The following RNF220 variants were observed in gnomAD, a reference collection of about 807,000 sequenced individuals.
RNF220 encodes the protein E3 ubiquitin-protein ligase RNF220.
A neutral mutation model predicts 67.1 loss-of-function variants in RNF220; 7 were observed. The observed-to-expected ratio is 0.10, with a 90% CI of 0.06 to 0.20. RNF220 has a LOEUF of 0.20. RNF220 is among the 10% of genes least tolerant of loss of function. The pLI is 1.00. For synonymous variants in RNF220, 270 were observed against 283.2 expected, an observed-to-expected ratio of 0.95 and a Z score of 0.47; for missense variants, 565 against 740.3, an observed-to-expected ratio of 0.76 and a Z score of 2.75.
chr1:44,418,151 G>A (rs1648787524), intron 2 of RNF220, among the ~76,000 whole-genome samples: 1 of 152,240 alleles, frequency 6.6e-6, no homozygotes, highest in African/African-American at 2.4e-5. Flanking sequence ...ACGTCGGGGT[G>A]CATGGGAGCG....
chr1:44,647,955 T>C (rs1436300070), intron 12 of RNF220, among the ~76,000 whole-genome samples: 1 of 152,270 alleles, frequency 6.6e-6, no homozygotes, highest in African/African-American at 2.4e-5. Flanking sequence ...AGCTTCCTGC[T>C]GTCCACGAGA....
chr1:44,508,222 C>A (rs887379656), intron 2 of RNF220, among the ~76,000 whole-genome samples: 5 of 151,254 alleles, frequency 3.3e-5, no homozygotes, highest in African/African-American at 1.2e-4. Context: ...TCGGGCCAGG[C>A]GGGGGACCCC....
At chr1:44,639,179 C>T (rs879938307) in intron 8 of RNF220, among the ~76,000 whole-genome samples, 8 of 152,230 alleles carry the variant, frequency 5.3e-5, no homozygotes, top group Non-Finnish European at 1.2e-4. Flanking sequence ...CCTAACTATA[C>T]AGCCCTTAAG....
chr1:44,547,871 C>T (rs1022450208), intron 2 of RNF220, among the ~76,000 whole-genome samples: 1 of 152,164 alleles, frequency 6.6e-6, no homozygotes, highest in African/African-American at 2.4e-5. Context: ...GTCATGAGAT[C>T]TTGAAGTGGT....
rs775200108 is a variant in RNF220 at position 44,645,423 on chromosome 1, C to A, written c.1380C>A (p.Thr460=). 5 of 1,614,124 alleles carry A rather than the reference C, an allele frequency of 3.1e-6. No individual in the cohort carries two copies. The Admixed American group carries it at 6.7e-5, about 22-fold the overall frequency. Residue 460 remains threonine, a synonymous_variant, in exon 12 of 15, where the codon ACC becomes ACA. Transcript: ENST00000361799. The surrounding 1 kb of genome is among the most constrained non-coding windows in gnomAD (Gnocchi z 5.0). ...CTGTCCCAGCAGAGATGCCATCCAC[C>A]AGCAATGGTGAAAGCAGCAAGCAGG... ...SKWASDEMPS[T]SNGESSKQEA... is the part of the protein sequence containing the mutation.
intron 2 of RNF220, among the ~76,000 whole-genome samples, chr1:44,535,610 G>A (rs1279293855): frequency 1.3e-5 from 2 of 152,222 alleles, no homozygotes; most frequent in Non-Finnish European, 2.9e-5. Flanking sequence ...AAATGTGGCT[G>A]TTCATGTTAG....
chr1:44,407,972 C>G (rs1410090442), intron 1 of RNF220, among the ~76,000 whole-genome samples: 2 of 152,222 alleles, frequency 1.3e-5, no homozygotes, highest in Middle Eastern at 3.2e-3. Flanking sequence ...TCGGTTCTTC[C>G]TGGACTGGCG....
At chr1:44,481,624 C>T (rs1432712036) in intron 2 of RNF220, among the ~76,000 whole-genome samples, 2 of 152,150 alleles carry the variant, frequency 1.3e-5, no homozygotes, top group African/African-American at 4.8e-5. Context: ...TGGAACAAAC[C>T]TGCACGTTCT....
At chr1:44,629,588 A>G (rs1413978497) in intron 5 of RNF220, among the ~76,000 whole-genome samples, 2 of 152,216 alleles carry the variant, frequency 1.3e-5, no homozygotes, top group Non-Finnish European at 1.5e-5. Context: ...CTGTAATCTC[A>G]GCACTTTGGG....
In RNF220 at chr1:44,417,550, T is replaced by A. The variant is rs1018885155; in HGVS notation, c.625+4828T>A. On this transcript the variant is annotated intron_variant, in intron 2 of 14. Coordinates refer to ENST00000361799, the MANE Select transcript of RNF220 (RefSeq NM_018150.4). This position sits in a 1 kb window ranked among gnomAD's most constrained non-coding sequence, Gnocchi z 4.0. ...CCTCGCTCCACGCCGCGCCGCTCTG[T>A]GCGGCGGCTGCCTCCTCTTACGGCC... is the stretch of plus-strand genomic sequence containing the variant. 1.3e-5 allele frequency among the ~76,000 whole-genome samples: 2 copies of A among 152,040 alleles called. No homozygotes were observed. Among genetic ancestry groups the A allele is most frequent in the African/African-American group, 4.8e-5 (2 of 41,382 alleles).
At chr1:44,538,458 A>G (rs983197490) in intron 2 of RNF220, among the ~76,000 whole-genome samples, 2 of 152,212 alleles carry the variant, frequency 1.3e-5, no homozygotes, top group East Asian at 3.8e-4. Flanking sequence ...CTCATCTAGA[A>G]GTGAGCTGGC....
At chr1:44,636,345 T>C (rs1205391083) in intron 8 of RNF220, 183 bp downstream of exon 8, 1 of 789,558 alleles carries the variant, frequency 1.3e-6, no homozygotes, top group African/African-American at 1.7e-5. Flanking sequence ...CATATTAAAA[T>C]GGATGTATTT....
At chr1:44,423,729 TAG>T in intron 2 of RNF220, 1 of 481,822 alleles carries the variant, frequency 2.1e-6, no homozygotes, top group Non-Finnish European at 2.7e-6. Flanking sequence ...TCTCAGGGCC[TAG>T]AGTACTCGCT....
chr1:44,558,769 A>T (rs923850776), intron 2 of RNF220, among the ~76,000 whole-genome samples: 4 of 152,220 alleles, frequency 2.6e-5, no homozygotes, highest in Admixed American at 6.5e-5. Context: ...TGATCTCAAC[A>T]TATAGCAATC....
At chr1:44,449,586 T>C (rs1453928808) in intron 2 of RNF220, among the ~76,000 whole-genome samples, 1 of 152,142 alleles carries the variant, frequency 6.6e-6, no homozygotes, top group East Asian at 1.9e-4. Flanking sequence ...GCTAATTGTT[T>C]TATTTTTTGT....
chr1:44,599,863 G>C (rs577352043), intron 2 of RNF220, among the ~76,000 whole-genome samples: 1 of 152,276 alleles, frequency 6.6e-6, no homozygotes, highest in African/African-American at 2.4e-5. Context: ...AGGAACCAGG[G>C]AAGGATCTTA....
At position 44,649,807 on chromosome 1, in the gene RNF220, C is replaced by G. The variant is rs1313385399; in HGVS notation, c.1554+38C>G. ...GAACCTAGGGGTGCCCTTGGTCAGGCTTCCACGCCCTCTGGGGGAGTTGGA... is the reference window on the plus strand; with the variant it reads ...GAACCTAGGGGTGCCCTTGGTCAGGGTTCCACGCCCTCTGGGGGAGTTGGA... On this transcript the variant is annotated intron_variant, in intron 13 of 14. Coordinates refer to ENST00000361799, the MANE Select transcript of RNF220 (RefSeq NM_018150.4). The surrounding 1 kb of genome is among the most constrained non-coding windows in gnomAD (Gnocchi z 5.9). The G allele has an allele frequency of 6.2e-7, 1 of 1,613,210 alleles. No homozygotes were observed. Among genetic ancestry groups the G allele is most frequent in the Non-Finnish European group, 8.5e-7 (1 of 1,179,206 alleles).
chr1:44,607,767 G>A (rs1024672306), intron 2 of RNF220, among the ~76,000 whole-genome samples: 1 of 152,140 alleles, frequency 6.6e-6, no homozygotes, highest in African/African-American at 2.4e-5. Flanking sequence ...GGGATTACAG[G>A]CATAAGCCAC....
At chr1:44,554,366 C>A (rs1226182222) in intron 2 of RNF220, among the ~76,000 whole-genome samples, 1 of 152,074 alleles carries the variant, frequency 6.6e-6, no homozygotes, top group Non-Finnish European at 1.5e-5. Context: ...CTGCTTAGGA[C>A]ATGTCCTTCT....
Sources: gnomAD v4.1 joint callset for allele counts (sites outside exome capture counted in the v4.1 genomes callset) on GRCh38, gnomAD v4.1.1 for gene constraint, Gnocchi (gnomAD v3.1) non-coding constraint, MANE v1.5 for transcripts, NCBI Gene and HGNC (gene_info 2026-07-23, HGNC 2026-07-21) for gene names.